Variants in EMC2 observed in about 807,000 individuals in gnomAD.
The protein encoded by EMC2 is ER membrane protein complex subunit 2, also known as TPR repeat protein 35.
In EMC2, 37 loss-of-function variants were observed where a neutral mutation model predicts 51.6. The observed-to-expected ratio is 0.72, with a 90% CI of 0.55 to 0.94. The LOEUF is 0.94. EMC2 is among the 40% of genes least tolerant of loss of function. The pLI is 0.00. For missense variants in EMC2, 359 were observed against 350.9 expected (o/e 1.02, Z -0.18); for synonymous variants, 131 against 112.4 (o/e 1.17, Z -1.04).
intron 5 of EMC2, among the ~76,000 whole-genome samples, chr8:108,457,667 G>A (rs1056794360): frequency 7.9e-5 from 12 of 152,024 alleles, no homozygotes; most frequent in South Asian, 4.2e-4. Flanking sequence ...GGAGATACCC[G>A]CCCCCATAAT....
rs753054286 is a variant in EMC2, at chr8:108,443,644, C to G, written c.-15C>G. The G allele has an allele frequency of 2.5e-6, 4 of 1,606,946 alleles. No individual in the cohort carries two copies. The highest frequency in any genetic ancestry group is 1.3e-5 in the African/African-American group (1 of 74,766). On this transcript the variant is annotated 5_prime_UTR_variant, in exon 1 of 11. Transcript: ENST00000220853. The stretch of plus-strand genomic sequence containing the variant: ...TCCCCGCCCTCTCACCCCGCTGCCT[C>G]TAGGTTCTGGGAAGATGGCGAAGGT...
At chr8:108,479,602 T>G (rs1211808361) in intron 10 of EMC2, among the ~76,000 whole-genome samples, 1 of 152,186 alleles carries the variant, frequency 6.6e-6, no homozygotes, top group East Asian at 1.9e-4. Flanking sequence ...CCTTAGCAGA[T>G]TTTTTAGGAA....
chr8:108,464,068 C>T (rs932701936), intron 5 of EMC2: 4 of 152,188 alleles, frequency 2.6e-5, no homozygotes, highest in Non-Finnish European at 5.9e-5. Flanking sequence ...CAGACTGTGA[C>T]GTGGGAATTA....
intron 3 of EMC2, among the ~76,000 whole-genome samples, chr8:108,450,967 C>T (rs1422846712): frequency 3.3e-5 from 5 of 152,014 alleles, no homozygotes; most frequent in Admixed American, 1.3e-4. Flanking sequence ...TTTGGGAGGC[C>T]GAGGCAGGCA....
At chr8:108,467,052 A>G (rs987501653) in intron 5 of EMC2, among the ~76,000 whole-genome samples, 9 of 152,134 alleles carry the variant, frequency 5.9e-5, no homozygotes, top group Non-Finnish European at 8.8e-5. Flanking sequence ...TTTTTTGTCT[A>G]TGTAAAATGA....
chr8:108,484,055 A>G (rs1226918766), intron 10 of EMC2, among the ~76,000 whole-genome samples: 1 of 152,138 alleles, frequency 6.6e-6, no homozygotes, highest in Non-Finnish European at 1.5e-5. Context: ...TTGCTCGTCA[A>G]TTAGGTAATT....
At chr8:108,463,859 A>T (rs536578230) in intron 5 of EMC2, among the ~76,000 whole-genome samples, 87 of 152,144 alleles carry the variant, frequency 5.7e-4, no homozygotes, top group African/African-American at 1.9e-3. Context: ...ATTCACAAAA[A>T]CTGGTAAATG....
chr8:108,469,850 A>G lies in EMC2; in HGVS notation c.388A>G (p.Ile130Val), dbSNP rs779262950. 1.5e-5 allele frequency: 25 copies of G among 1,613,546 alleles called. No homozygotes were observed. The highest frequency in any genetic ancestry group is 8.9e-5 in the East Asian group (4 of 44,854). The stretch of plus-strand genomic sequence containing the variant: ...GGCTGCAAGAAAGCGTAAGATTGCC[A>G]TTCGAAAAGCCCAGGGGAAAAATGT... Reference protein sequence around the residue: ...NTAARKRKIAIRKAQGKNVEA... With the variant: ...NTAARKRKIAVRKAQGKNVEA... The change falls in exon 6 of 11, where the codon ATT becomes GTT. Residue 130 changes from isoleucine to valine, a missense_variant. Transcript: ENST00000220853.
intron 2 of EMC2, 111 bp from the exon 3 acceptor site, chr8:108,450,317 T>C: frequency 1.4e-6 from 1 of 705,768 alleles, no homozygotes; most frequent in Non-Finnish European, 2.6e-6. Context: ...AAATCAGTTT[T>C]CAGTTATAAG....
At chr8:108,452,410 T>C (rs1369018336) in intron 3 of EMC2, among the ~76,000 whole-genome samples, 1 of 151,988 alleles carries the variant, frequency 6.6e-6, no homozygotes, top group Non-Finnish European at 1.5e-5. Flanking sequence ...CTACTAAAAA[T>C]ACAAAAATGA....
chr8:108,457,784 CT>C lies in EMC2; in HGVS notation c.363+1855del, dbSNP rs1333242342. 2.6e-5 allele frequency among the ~76,000 whole-genome samples: 4 copies of C among 152,328 alleles called. No individual in the cohort carries two copies. In the East Asian group the frequency reaches 7.7e-4, roughly 29 times the overall value. On this transcript the variant is annotated intron_variant, in intron 5 of 10. Transcript: ENST00000220853. ...ACAGTCAAACCATATCATTCTGCCC[CT>C]GGCCCCTCCCAAATCTCATGTCCTC...
At position 108,463,459 on chromosome 8, in the gene EMC2, A is replaced by G. The variant is rs1466951658; in HGVS notation, c.364-6367A>G. ...TTTGAATCTTCCTTAAGGGGAAAAA[A>G]TTATATCCATTGAGTGGGAGAGTGC... On this transcript the variant is annotated intron_variant, in intron 5 of 10. Transcript: ENST00000220853. 2.6e-5 allele frequency among the ~76,000 whole-genome samples: 4 copies of G among 152,198 alleles called. 1 individual carries two copies. In the South Asian group the frequency reaches 8.3e-4, roughly 32 times the overall value.
intron 10 of EMC2, among the ~76,000 whole-genome samples, chr8:108,479,703 A>G (rs933078528): frequency 3.3e-5 from 5 of 152,102 alleles, no homozygotes; most frequent in East Asian, 1.9e-4. Context: ...TTAAAGGACA[A>G]TTTGGCTTTT....
chr8:108,453,170 C>A, intron 4 of EMC2, 23 bp downstream of exon 4: 3 of 1,420,380 alleles, frequency 2.1e-6, no homozygotes, highest in Non-Finnish European at 2.9e-6. Context: ...TATCAGCTGG[C>A]AGGCATGGAG....
chr8:108,450,885 C>G (rs552724231), intron 3 of EMC2, among the ~76,000 whole-genome samples: 2 of 152,224 alleles, frequency 1.3e-5, no homozygotes, highest in Non-Finnish European at 2.9e-5. Context: ...AAAATCCCGA[C>G]GTATAGAACA....
intron 3 of EMC2, 90 bp downstream of exon 3, chr8:108,450,582 T>C (rs1007187821): frequency 6.1e-5 from 50 of 818,172 alleles, no homozygotes; most frequent in Admixed American, 1.9e-4. Flanking sequence ...TGGAATGCTT[T>C]CAATAGCTAG....
chr8:108,482,326 G>A (rs1199352308), intron 10 of EMC2, among the ~76,000 whole-genome samples: 1 of 152,066 alleles, frequency 6.6e-6, no homozygotes, highest in Non-Finnish European at 1.5e-5. Context: ...TTTTGCTTAT[G>A]AGCCCTTTTT....
intron 1 of EMC2, among the ~76,000 whole-genome samples, chr8:108,449,226 C>T (rs1013534172): frequency 2.0e-5 from 3 of 151,432 alleles, no homozygotes; most frequent in African/African-American, 7.3e-5. Flanking sequence ...GATCCTCTCA[C>T]GTCAGTCTCC....
At chr8:108,465,086 T>A (rs1315690816) in intron 5 of EMC2, among the ~76,000 whole-genome samples, 1 of 152,092 alleles carries the variant, frequency 6.6e-6, no homozygotes, top group African/African-American at 2.4e-5. Flanking sequence ...CTATTTAAAA[T>A]AAAAAAATGT....
Sources: allele counts gnomAD v4.1 joint callset (sites outside exome capture counted in the v4.1 genomes callset), GRCh38; gene constraint gnomAD v4.1.1; transcripts MANE v1.5; gene names NCBI Gene and HGNC (gene_info 2026-07-23, HGNC 2026-07-21).